Variants in MYO1B observed in about 807,000 individuals in gnomAD.
The protein encoded by MYO1B is unconventional myosin-Ib.
MYO1B carries 72 observed loss-of-function variants against 159.7 expected under a neutral mutation model. The ratio of observed to expected loss-of-function variants is 0.45; its 90% confidence interval spans 0.37 to 0.55. The LOEUF (loss-of-function observed/expected upper bound fraction) is 0.55. Among genes scored for constraint, MYO1B ranks in the 20% least tolerant of loss-of-function variants. MYO1B has a pLI of 0.00. For synonymous variants in MYO1B, 468 were observed against 473.8 expected (o/e 0.99, Z 0.16); for missense variants, 1,062 against 1,364.8 (o/e 0.78, Z 3.50).
chr2:191,390,169 A>G (rs139589289), intron 17 of MYO1B, 123 bp from the exon 18 acceptor site: 1 of 835,322 alleles, frequency 1.2e-6, no homozygotes, highest in Non-Finnish European at 1.8e-6. Flanking sequence ...AGTAATGACT[A>G]GGTTTCTTAA....
chr2:191,355,274 C>T (rs931441665), intron 7 of MYO1B, among the ~76,000 whole-genome samples: 1 of 152,242 alleles, frequency 6.6e-6, no homozygotes, highest in Non-Finnish European at 1.5e-5. Context: ...ATGAGCCAAG[C>T]TGGCTCAGGC....
At chr2:191,390,623 T>G in intron 18 of MYO1B, 131 bp downstream of exon 18, 2 of 1,056,466 alleles carry the variant, frequency 1.9e-6, no homozygotes, top group Non-Finnish European at 2.6e-6. Context: ...TTGGACCTTC[T>G]TCCATTAGGA....
intron 7 of MYO1B, among the ~76,000 whole-genome samples, chr2:191,356,903 T>C (rs1234533462): frequency 6.6e-6 from 1 of 152,204 alleles, no homozygotes; most frequent in Non-Finnish European, 1.5e-5. Context: ...TTCATAATAT[T>C]AGTCTTGGAG....
At chr2:191,393,394 G>T (rs1339920036) in intron 20 of MYO1B, among the ~76,000 whole-genome samples, 172 bp downstream of exon 20, 1 of 152,120 alleles carries the variant, frequency 6.6e-6, no homozygotes, top group Non-Finnish European at 1.5e-5. Flanking sequence ...AAGACACAAA[G>T]CTGTTAAGTA....
chr2:191,415,386 A>G (rs1426594257), intron 29 of MYO1B, among the ~76,000 whole-genome samples: 2 of 152,208 alleles, frequency 1.3e-5, no homozygotes, highest in Non-Finnish European at 2.9e-5. Flanking sequence ...TAAACTTAGA[A>G]AAATCCCCAA....
intron 11 of MYO1B, among the ~76,000 whole-genome samples, chr2:191,367,025 T>C (rs930792814): frequency 1.2e-4 from 19 of 152,062 alleles, no homozygotes; most frequent in African/African-American, 4.3e-4. Flanking sequence ...ACCATGCCTG[T>C]TACTGGCCAT....
At chr2:191,307,700 C>T (rs1689735314) in intron 3 of MYO1B, among the ~76,000 whole-genome samples, 1 of 152,116 alleles carries the variant, frequency 6.6e-6, no homozygotes, top group Non-Finnish European at 1.5e-5. Context: ...AATGGGGTAC[C>T]CTGACTACTC....
chr2:191,261,731 G>A (rs1686822941), intron 1 of MYO1B, among the ~76,000 whole-genome samples: 1 of 152,170 alleles, frequency 6.6e-6, no homozygotes, highest in African/African-American at 2.4e-5. Flanking sequence ...ACTTTCCAGG[G>A]CTCTTTAGAA....
At chr2:191,276,807 T>C in intron 1 of MYO1B, 80 bp from the exon 2 acceptor site, 1 of 1,480,632 alleles carries the variant, frequency 6.8e-7, no homozygotes, top group Non-Finnish European at 9.1e-7. Context: ...CTACCAGTGT[T>C]GGATTTCTGC....
chr2:191,345,469 A>C (rs374130212), intron 5 of MYO1B, among the ~76,000 whole-genome samples: 9 of 152,192 alleles, frequency 5.9e-5, no homozygotes, highest in African/African-American at 2.2e-4. Context: ...CCCTGTGTTA[A>C]ACAAGAGCAC....
chr2:191,256,412 A>G (rs1466519573), intron 1 of MYO1B, among the ~76,000 whole-genome samples: 1 of 152,186 alleles, frequency 6.6e-6, no homozygotes, highest in Non-Finnish European at 1.5e-5. Context: ...GCACAGAGCA[A>G]GCACTTGGTG....
At chr2:191,415,524 C>A (rs1272779168) in intron 29 of MYO1B, among the ~76,000 whole-genome samples, 1 of 151,962 alleles carries the variant, frequency 6.6e-6, no homozygotes, top group African/African-American at 2.4e-5. Flanking sequence ...ATTCTGATGC[C>A]CAGGCCATAC....
At chr2:191,354,860 G>A (rs1349941326) in intron 7 of MYO1B, among the ~76,000 whole-genome samples, 2 of 152,186 alleles carry the variant, frequency 1.3e-5, no homozygotes, top group South Asian at 2.1e-4. Flanking sequence ...CATACCTCTC[G>A]AAAGAGTGTC....
At chr2:191,398,890 G>C (rs533047554) in intron 21 of MYO1B, among the ~76,000 whole-genome samples, 6 of 152,320 alleles carry the variant, frequency 3.9e-5, no homozygotes, top group Non-Finnish European at 8.8e-5. Context: ...CTGTAATCTC[G>C]GCTCTTTGGG....
In MYO1B at chr2:191,403,143, G is replaced by T. The variant is rs112801523; in HGVS notation, c.2556+425G>T. Among the ~76,000 whole-genome samples, 636 of 152,272 alleles carry T rather than the reference G, an allele frequency of 4.2e-3. 4 individuals are homozygous for T. The highest frequency in any genetic ancestry group is 0.015 in the African/African-American group (611 of 41,554). ...AATTCTGCTCCAATAATGGCTGCCT[G>T]CAGTAGAGCTTTCTTCAGAGCGACC... On this transcript the variant is annotated intron_variant, in intron 24 of 30. Transcript: ENST00000392318.
At chr2:191,420,488 G>A (rs890484039) in intron 30 of MYO1B, among the ~76,000 whole-genome samples, 4 of 152,128 alleles carry the variant, frequency 2.6e-5, no homozygotes, top group Admixed American at 1.3e-4. Context: ...TTCTTACTAA[G>A]TTTACACATA....
At chr2:191,310,235 C>A (rs187329961) in intron 3 of MYO1B, among the ~76,000 whole-genome samples, 90 of 152,228 alleles carry the variant, frequency 5.9e-4, no homozygotes, top group Non-Finnish European at 9.1e-4. Flanking sequence ...CAGAATCTTA[C>A]ACTCTCACCA....
chr2:191,281,358 C>T (rs1449015783), intron 2 of MYO1B, among the ~76,000 whole-genome samples: 1 of 152,146 alleles, frequency 6.6e-6, no homozygotes, highest in Non-Finnish European at 1.5e-5. Context: ...TGCTGCAACA[C>T]ACAGGGTCAG....
intron 7 of MYO1B, among the ~76,000 whole-genome samples, chr2:191,351,905 A>G (rs1692950312): frequency 6.6e-6 from 1 of 152,162 alleles, no homozygotes; most frequent in African/African-American, 2.4e-5. Flanking sequence ...AAATAAATAA[A>G]TAAGTTTCCA....
Sources: gnomAD v4.1 joint callset for allele counts (sites outside exome capture counted in the v4.1 genomes callset) on GRCh38, gnomAD v4.1.1 for gene constraint, MANE v1.5 for transcripts, NCBI Gene and HGNC (gene_info 2026-07-23, HGNC 2026-07-21) for gene names.